Variants in BMPR1B observed in about 807,000 individuals in gnomAD.
BMPR1B encodes the protein bone morphogenetic protein receptor type 1B, also known as bone morphogenetic protein receptor type-1B.
A neutral mutation model predicts 59.1 loss-of-function variants in BMPR1B; 12 were observed. That is an observed-to-expected ratio of 0.20 (90% CI 0.13 to 0.33). BMPR1B has a LOEUF of 0.33. Ranked by LOEUF, BMPR1B falls within the 10% of genes least tolerant of loss-of-function variation. The pLI is 1.00. For synonymous variants in BMPR1B, 237 were observed against 207.3 expected (o/e 1.14, Z -1.23); for missense variants, 550 against 610.9 (o/e 0.90, Z 1.05).
chr4:94,803,410 AGG>A (rs979219106), intron 1 of BMPR1B, among the ~76,000 whole-genome samples: 2 of 152,156 alleles, frequency 1.3e-5, no homozygotes, highest in African/African-American at 4.8e-5. Context: ...CCCCAGTGTT[AGG>A]GGTAGCCTAA....
Position 94,913,613 on chromosome 4 carries a change from A to G in BMPR1B, c.-113+37713A>G, listed in dbSNP as rs947486748. On this transcript the variant is annotated intron_variant, in intron 2 of 12. Coordinates refer to ENST00000515059, the MANE Select transcript of BMPR1B (RefSeq NM_001203.3). ...GAAGGTGATTTCTGGTCATTGTTCC[A>G]TTGTATTCATGCTTATTCTTACTAA... 2.0e-5 allele frequency among the ~76,000 whole-genome samples: 3 copies of G among 152,118 alleles called. No individual in the cohort carries two copies. In the South Asian group the frequency reaches 6.2e-4, roughly 32 times the overall value.
intron 2 of BMPR1B, among the ~76,000 whole-genome samples, chr4:94,931,947 A>C (rs1166029010): frequency 6.6e-6 from 1 of 152,086 alleles, no homozygotes; most frequent in African/African-American, 2.4e-5. Flanking sequence ...GCAGAAGTTT[A>C]ATGATTCTTA....
chr4:95,061,482 A>G (rs944346020), intron 3 of BMPR1B, among the ~76,000 whole-genome samples: 6 of 152,196 alleles, frequency 3.9e-5, no homozygotes, highest in African/African-American at 1.4e-4. Flanking sequence ...GTTTCCTTTA[A>G]CAGAAAATAA....
intron 2 of BMPR1B, among the ~76,000 whole-genome samples, chr4:94,900,952 G>A (rs1339260473): frequency 1.3e-5 from 2 of 151,890 alleles, no homozygotes; most frequent in African/African-American, 4.8e-5. Context: ...CAGACCTCCC[G>A]TGATGCTAAG....
intron 10 of BMPR1B, among the ~76,000 whole-genome samples, chr4:95,144,298 G>A (rs1448448766): frequency 2.0e-5 from 3 of 151,882 alleles, no homozygotes; most frequent in African/African-American, 4.8e-5. Context: ...CTTCAGCCTC[G>A]CAAGTAGCTG....
intron 3 of BMPR1B, among the ~76,000 whole-genome samples, chr4:95,073,288 T>TGGCAAC (rs1728459369): frequency 6.6e-6 from 1 of 152,198 alleles, no homozygotes; most frequent in Non-Finnish European, 1.5e-5. Context: ...TCCCCGGTTT[T>TGGCAAC]GGCAACTAGG....
At chr4:94,960,392 A>C (rs7699393) in intron 2 of BMPR1B, among the ~76,000 whole-genome samples, 5,672 of 152,186 alleles carry the variant, frequency 0.037, 355 homozygotes, top group African/African-American at 0.13. Context: ...AGCCATTTTC[A>C]GGGACTACCC....
chr4:95,083,037 C>CAAA (rs1171888403), intron 3 of BMPR1B, among the ~76,000 whole-genome samples: 17,385 of 60,456 alleles, frequency 0.29, 4,229 homozygotes, highest in Non-Finnish European at 0.36. Context: ...TACTCTGTCT[C>CAAA]AAAAAAAAAA....
intron 1 of BMPR1B, among the ~76,000 whole-genome samples, chr4:94,873,008 G>A (rs1221311977): frequency 6.6e-6 from 1 of 151,978 alleles, no homozygotes; most frequent in Admixed American, 6.6e-5. Context: ...GGGCCCCCAA[G>A]TACAACTTCA....
intron 1 of BMPR1B, among the ~76,000 whole-genome samples, chr4:94,820,555 C>T (rs1338949092): frequency 4.6e-5 from 7 of 152,152 alleles, no homozygotes. Flanking sequence ...ACATGTTTTT[C>T]TCATAAAGAT....
intron 3 of BMPR1B, among the ~76,000 whole-genome samples, chr4:95,011,761 G>A (rs1723242305): frequency 6.6e-6 from 1 of 152,136 alleles, no homozygotes; most frequent in African/African-American, 2.4e-5. Flanking sequence ...GCTCACGGCT[G>A]TAATCCCAGT....
chr4:95,017,573 T>C (rs557125115), intron 3 of BMPR1B, among the ~76,000 whole-genome samples: 36 of 152,220 alleles, frequency 2.4e-4, no homozygotes, highest in Non-Finnish European at 4.3e-4. Flanking sequence ...TCACAGGTAA[T>C]GTTTGAGGTG....
intron 2 of BMPR1B, among the ~76,000 whole-genome samples, chr4:94,916,908 G>A (rs1286938588): frequency 6.6e-6 from 1 of 152,218 alleles, no homozygotes; most frequent in African/African-American, 2.4e-5. Flanking sequence ...CAGGCCCAGG[G>A]ACCTGCTGCC....
At chr4:94,966,284 G>A (rs1465236542) in intron 2 of BMPR1B, among the ~76,000 whole-genome samples, 1 of 152,098 alleles carries the variant, frequency 6.6e-6, no homozygotes, top group Non-Finnish European at 1.5e-5. Context: ...AAGTGAAAGT[G>A]AGAATTCTTC....
chr4:95,043,501 G>T (rs1205566726), intron 3 of BMPR1B, among the ~76,000 whole-genome samples: 1 of 152,038 alleles, frequency 6.6e-6, no homozygotes, highest in Non-Finnish European at 1.5e-5. Context: ...GTAAACCTTT[G>T]TGTCTAATCT....
intron 2 of BMPR1B, among the ~76,000 whole-genome samples, chr4:94,950,740 G>T (rs538775682): frequency 2.0e-5 from 3 of 152,204 alleles, no homozygotes; most frequent in Non-Finnish European, 4.4e-5. Context: ...CTCCAGTTTT[G>T]TTCTTTTTGC....
chr4:94,987,172 G>T (rs1461409017), intron 2 of BMPR1B, among the ~76,000 whole-genome samples: 3 of 137,364 alleles, frequency 2.2e-5, no homozygotes, highest in African/African-American at 2.6e-5. Flanking sequence ...ACATATATGT[G>T]TAATATACTA....
At chr4:95,116,300 C>T (rs1184972147) in intron 6 of BMPR1B, among the ~76,000 whole-genome samples, 1 of 151,788 alleles carries the variant, frequency 6.6e-6, no homozygotes, top group East Asian at 1.9e-4. Context: ...AAAACTTACC[C>T]ATTTAAGTGT....
rs745854387 is a variant in BMPR1B, at chr4:95,104,515, C to T, written c.91C>T (p.Arg31Cys). The change falls in exon 4 of 13, where the codon CGT becomes TGT. Residue 31 changes from arginine (R) to cysteine (C), a missense_variant. Coordinates refer to ENST00000515059, the MANE Select transcript of BMPR1B (RefSeq NM_001203.3). Reference protein sequence around the residue: ...TAPTPRPKVLRCKCHHHCPED... With the variant: ...TAPTPRPKVLCCKCHHHCPED... ...CCCCACCCCCCGTCCAAAGGTCTTG[C>T]GTTGTAAATGCCACCACCATTGTCC... 3 of 1,613,380 alleles carry T rather than the reference C, an allele frequency of 1.9e-6. No individual in the cohort carries two copies. Among genetic ancestry groups the T allele is most frequent in the African/African-American group, 1.3e-5 (1 of 74,950 alleles).
Sources: gnomAD v4.1 joint callset for allele counts (sites outside exome capture counted in the v4.1 genomes callset) on GRCh38, gnomAD v4.1.1 for gene constraint, MANE v1.5 for transcripts, NCBI Gene and HGNC (gene_info 2026-07-23, HGNC 2026-07-21) for gene names.